Variants in RFC2 observed in about 807,000 individuals in gnomAD.
RFC2 encodes A1 40 kDa subunit.
Under a neutral mutation model 44.8 loss-of-function variants are expected in RFC2, and 34 were observed. The observed-to-expected ratio is 0.76, with a 90% CI of 0.58 to 1.01. RFC2 has a LOEUF of 1.01. RFC2 is among the 50% of genes least tolerant of loss of function. The pLI, the probability that RFC2 is intolerant of heterozygous loss-of-function variation, is 0.00. For synonymous variants in RFC2, 177 were observed against 168.9 expected, an observed-to-expected ratio of 1.05 and a Z score of -0.37; for missense variants, 400 against 453.6, an observed-to-expected ratio of 0.88 and a Z score of 1.07.
At chr7:74,254,018 G>A (rs1022897895) in intron 1 of RFC2, among the ~76,000 whole-genome samples, 4 of 152,184 alleles carry the variant, frequency 2.6e-5, no homozygotes, top group African/African-American at 7.2e-5. Flanking sequence ...GGTCAGAGTA[G>A]GTGGCCACCC....
intron 6 of RFC2, among the ~76,000 whole-genome samples, chr7:74,241,443 C>A (rs918638691): frequency 1.3e-5 from 2 of 152,242 alleles, no homozygotes; most frequent in Non-Finnish European, 2.9e-5. Flanking sequence ...ATTCTTGACA[C>A]TGCTGAGAGC....
chr7:74,238,772 G>T lies in RFC2; in HGVS notation c.759+151C>A. 1.6e-6 allele frequency: 1 copy of T among 623,604 alleles called. No individual in the cohort carries two copies. The highest frequency in any genetic ancestry group is 1.9e-5 in the South Asian group (1 of 52,060). The allele number at this position is 623,604 out of a possible 1,614,324, so 38.6% of individuals were successfully genotyped here. A position where few individuals can be genotyped will look rare whatever the true frequency, so the allele number is the denominator to read the frequency against. The stretch of plus-strand genomic sequence containing the variant: ...GCTTGTGCAGCAAAGCAGCAATAGG[G>T]AGAGGACAGACGGGAGCAGGGTGGG... On this transcript the variant is annotated intron_variant, in intron 8 of 10. Coordinates refer to ENST00000055077, the MANE Select transcript of RFC2 (RefSeq NM_181471.3). This position sits in a 1 kb window ranked among gnomAD's most constrained non-coding sequence, Gnocchi z 4.0.
intron 5 of RFC2, 31 bp from the exon 6 acceptor site, chr7:74,243,277 G>A (rs782220982): frequency 2.4e-5 from 34 of 1,426,400 alleles, no homozygotes; most frequent in Non-Finnish European, 3.1e-5. Flanking sequence ...TTGCAAGTGG[G>A]ACCCAGAGAC....
chr7:74,248,344 GA>G (rs1803739929), intron 4 of RFC2, among the ~76,000 whole-genome samples: 1 of 151,506 alleles, frequency 6.6e-6, no homozygotes, highest in Admixed American at 6.6e-5. Context: ...GTCTCCACAA[GA>G]AAAAGCTGGC....
At chr7:74,234,967 T>C (rs1802921584) in intron 10 of RFC2, among the ~76,000 whole-genome samples, 1 of 152,122 alleles carries the variant, frequency 6.6e-6, no homozygotes, top group South Asian at 2.1e-4. Context: ...TCCCTCCCAC[T>C]GCAGTTGGGA....
At chr7:74,249,173 C>T in intron 3 of RFC2, 55 bp from the exon 4 acceptor site, 7 of 1,611,172 alleles carry the variant, frequency 4.3e-6, no homozygotes, top group Non-Finnish European at 5.9e-6. Flanking sequence ...CCTCAGGTAG[C>T]TCTTGAGTTA....
chr7:74,246,055 G>T lies in RFC2; in HGVS notation c.434+607C>A, dbSNP rs1339406691. ...ACTAAAAATACAAAAAATCAGCTGG[G>T]CGTGGTGGTGCATGCCTGTAGTCTC... is the stretch of plus-strand genomic sequence containing the variant. On this transcript the variant is annotated intron_variant, in intron 5 of 10. Transcript: ENST00000055077. Among the ~76,000 whole-genome samples, 3 of 152,078 alleles carry T rather than the reference G, an allele frequency of 2.0e-5. No homozygotes were observed. In the East Asian group the frequency reaches 5.8e-4, roughly 29 times the overall value.
intron 10 of RFC2, among the ~76,000 whole-genome samples, chr7:74,233,595 GTTTTTTTTTT>G (rs79258549): frequency 8.0e-6 from 1 of 124,430 alleles, no homozygotes; most frequent in Non-Finnish European, 1.7e-5. Flanking sequence ...GTTGTTATTG[GTTTTTTTTTT>G]TTTTTTTTTT....
intron 5 of RFC2, among the ~76,000 whole-genome samples, chr7:74,244,329 A>C (rs1345756578): frequency 6.6e-6 from 1 of 151,516 alleles, no homozygotes; most frequent in Admixed American, 6.6e-5. Context: ...TCTTCAAAGA[A>C]CATGAATTAC....
chr7:74,239,582 T>C (rs558845550), intron 7 of RFC2, among the ~76,000 whole-genome samples: 22 of 152,270 alleles, frequency 1.4e-4, no homozygotes, highest in African/African-American at 5.3e-4. Flanking sequence ...CCACCCGCCT[T>C]GGCCTTCCAA....
At chr7:74,252,056 G>A (rs1233774717) in intron 2 of RFC2, among the ~76,000 whole-genome samples, 3 of 123,996 alleles carry the variant, frequency 2.4e-5, no homozygotes, top group Non-Finnish European at 3.2e-5. Context: ...GCCAGATTAC[G>A]CCAATGCGCT....
At chr7:74,242,577 G>C (rs1341734430) in intron 6 of RFC2, among the ~76,000 whole-genome samples, 7 of 151,824 alleles carry the variant, frequency 4.6e-5, no homozygotes, top group African/African-American at 1.2e-4. Flanking sequence ...TATAGTGCTT[G>C]GCCCATGCTA....
intron 10 of RFC2, among the ~76,000 whole-genome samples, chr7:74,233,603 T>G (rs1240989848): frequency 3.3e-5 from 5 of 149,550 alleles, no homozygotes; most frequent in Non-Finnish European, 3.0e-5. Context: ...TGGTTTTTTT[T>G]TTTTTTTTTT....
At chr7:74,237,468 T>G in intron 8 of RFC2, 26 bp from the exon 9 acceptor site, 1 of 1,511,998 alleles carries the variant, frequency 6.6e-7, no homozygotes, top group East Asian at 2.3e-5. Context: ...GGAAAGGCGG[T>G]CAGGGGCTAG....
At chr7:74,244,635 C>T (rs1400343401) in intron 5 of RFC2, among the ~76,000 whole-genome samples, 3 of 151,568 alleles carry the variant, frequency 2.0e-5, no homozygotes, top group Admixed American at 6.6e-5. Context: ...TCCCAAAGTG[C>T]TGGGATTACA....
At chr7:74,249,823 T>C (rs781940707) in intron 2 of RFC2, 43 bp from the exon 3 acceptor site, 4 of 1,530,122 alleles carry the variant, frequency 2.6e-6, no homozygotes, top group Non-Finnish European at 3.6e-6. Flanking sequence ...AACTTGCTTC[T>C]GGATGACTAC....
In RFC2 at chr7:74,239,073, G is replaced by C. The variant is rs1438380906; in HGVS notation, c.694-85C>G. On this transcript the variant is annotated intron_variant, in intron 7 of 10. Transcript: ENST00000055077. ...GACAGGAGTCTCGCTATGTTGCCCA[G>C]GCTGGTCTCGAACTCCTGGGCTTAA... The C allele has an allele frequency of 5.4e-6, 6 of 1,117,770 alleles. No homozygotes were observed. The East Asian group carries it at 1.3e-4, about 24-fold the overall frequency. The allele number at this position is 1,117,770 out of a possible 1,614,324, so 69.2% of individuals were successfully genotyped here.
chr7:74,240,272 C>T (rs1182780201), intron 6 of RFC2, among the ~76,000 whole-genome samples, 177 bp from the exon 7 acceptor site: 1 of 152,004 alleles, frequency 6.6e-6, no homozygotes, highest in Admixed American at 6.6e-5. Flanking sequence ...GAGGCTGAGG[C>T]GGGAGGATCA....
rs1178162197 is a variant in RFC2, at chr7:74,248,261, T to C, written c.332+751A>G. On this transcript the variant is annotated intron_variant, in intron 4 of 10. Coordinates refer to ENST00000055077, the MANE Select transcript of RFC2 (RefSeq NM_181471.3). ...GCTCACGTCTGTAATCCAAGCACTT[T>C]GGGAGGCTGATGCAAGGAGGATCGC... Among the ~76,000 whole-genome samples, 2 of 151,846 alleles carry C rather than the reference T, an allele frequency of 1.3e-5. 1 individual carries two copies. The highest frequency in any genetic ancestry group is 4.8e-5 in the African/African-American group (2 of 41,368).
Sources: allele counts gnomAD v4.1 joint callset (sites outside exome capture counted in the v4.1 genomes callset), GRCh38; gene constraint gnomAD v4.1.1; non-coding constraint Gnocchi (gnomAD v3.1); transcripts MANE v1.5; gene names NCBI Gene and HGNC (gene_info 2026-07-23, HGNC 2026-07-21).